The following GRM5 variants were observed in gnomAD, a reference collection of about 807,000 sequenced individuals.
GRM5 encodes glutamate metabotropic receptor 5, also known as metabotropic glutamate receptor 5.
In GRM5, 19 loss-of-function variants were observed where a neutral mutation model predicts 83.1. The observed-to-expected ratio is 0.23, with a 90% CI of 0.16 to 0.34. The LOEUF is 0.34. GRM5 is among the 10% of genes least tolerant of loss of function. The pLI is 1.00. For missense variants in GRM5, 1,160 were observed against 1,588.3 expected (o/e 0.73, Z 4.58); for synonymous variants, 675 against 633.6 (o/e 1.07, Z -0.98).
intron 2 of GRM5, among the ~76,000 whole-genome samples, chr11:88,919,553 A>G (rs1363462842): frequency 1.3e-5 from 2 of 151,566 alleles, no homozygotes; most frequent in African/African-American, 4.8e-5. Context: ...AAATGGATCT[A>G]ATAGATATTT....
chr11:88,775,219 T>C (rs1242506250), intron 3 of GRM5, among the ~76,000 whole-genome samples: 1 of 152,226 alleles, frequency 6.6e-6, no homozygotes, highest in African/African-American at 2.4e-5. Flanking sequence ...TTTTCTAGTT[T>C]ATTTGCATAG....
chr11:89,007,500 T>G (rs1350839419), intron 2 of GRM5, among the ~76,000 whole-genome samples: 2 of 152,196 alleles, frequency 1.3e-5, no homozygotes, highest in Non-Finnish European at 2.9e-5. Flanking sequence ...GCTGCTATTT[T>G]ATGTTTAGGG....
chr11:89,001,125 A>G (rs1318779538), intron 2 of GRM5, among the ~76,000 whole-genome samples: 1 of 151,940 alleles, frequency 6.6e-6, no homozygotes, highest in Non-Finnish European at 1.5e-5. Flanking sequence ...ATTTTACATA[A>G]CTCCAGGAGA....
chr11:88,751,090 A>AAAAAAAAAAAAAAAT (rs1942264086), intron 3 of GRM5, among the ~76,000 whole-genome samples: 2 of 140,358 alleles, frequency 1.4e-5, no homozygotes, highest in Non-Finnish European at 1.6e-5. Flanking sequence ...AAAAAAAAAA[A>AAAAAAAAAAAAAAAT]AAAAACAAAG....
rs575039471 is a variant in GRM5, at chr11:88,537,558, G to A, written c.2631-12154C>T. Among the ~76,000 whole-genome samples the A allele has an allele frequency of 6.6e-5, 10 of 152,246 alleles. No individual in the cohort carries two copies. In the South Asian group the frequency reaches 1.4e-3, roughly 22 times the overall value. Reference sequence around the variant, plus strand: ...AGGAAAATTCTAGATGAAGGCAGAAGGGAAGTCATTATGGATCTTTAGGTT... The same window carrying A: ...AGGAAAATTCTAGATGAAGGCAGAAAGGAAGTCATTATGGATCTTTAGGTT... On this transcript the variant is annotated intron_variant, in intron 8 of 9. Coordinates refer to ENST00000305447, the MANE Select transcript of GRM5 (RefSeq NM_001143831.3).
At chr11:88,648,837 T>C (rs1023694305) in intron 4 of GRM5, among the ~76,000 whole-genome samples, 1 of 151,592 alleles carries the variant, frequency 6.6e-6, no homozygotes, top group African/African-American at 2.4e-5. Flanking sequence ...GAATAAGTCA[T>C]ATGTGTGACA....
At chr11:88,623,122 G>T (rs962287359) in intron 4 of GRM5, among the ~76,000 whole-genome samples, 1 of 152,010 alleles carries the variant, frequency 6.6e-6, no homozygotes, top group Non-Finnish European at 1.5e-5. Flanking sequence ...TTTCACTCTT[G>T]TCGCCCAGTA....
At chr11:89,040,026 G>A (rs1941491963) in intron 2 of GRM5, among the ~76,000 whole-genome samples, 1 of 151,360 alleles carries the variant, frequency 6.6e-6, no homozygotes. Context: ...CCCACCCTAT[G>A]TCCAACATTT....
chr11:88,685,942 T>G (rs1463614987), intron 3 of GRM5, among the ~76,000 whole-genome samples: 1 of 152,046 alleles, frequency 6.6e-6, no homozygotes, highest in African/African-American at 2.4e-5. Context: ...AGAAGAGAAA[T>G]TTGGGGTTGG....
At chr11:88,984,577 ATCTT>A (rs1203851507) in intron 2 of GRM5, 11 of 449,432 alleles carry the variant, frequency 2.4e-5, no homozygotes. Context: ...AATTAGCAAT[ATCTT>A]TATTATCTTA....
rs536800054 is a variant in GRM5 at position 88,752,068 on chromosome 11, C to G, written c.911+97838G>C. ...AAGACAATGATGCCCTCTCTCACAC[C>G]TCCTATTAAACATAGTATTGAAAGT... On this transcript the variant is annotated intron_variant, in intron 3 of 9. Transcript: ENST00000305447. Among the ~76,000 whole-genome samples the G allele has an allele frequency of 1.5e-3, 227 of 152,292 alleles. 3 individuals carry two copies. Among genetic ancestry groups the G allele is most frequent in the Middle Eastern group, 0.014 (4 of 294 alleles).
At chr11:88,992,028 T>C (rs1272484333) in intron 2 of GRM5, among the ~76,000 whole-genome samples, 1 of 152,046 alleles carries the variant, frequency 6.6e-6, no homozygotes, top group Non-Finnish European at 1.5e-5. Flanking sequence ...CTAATTAAAC[T>C]AAAGAGCTTC....
At chr11:88,763,740 T>C (rs914209496) in intron 3 of GRM5, among the ~76,000 whole-genome samples, 3 of 151,590 alleles carry the variant, frequency 2.0e-5, no homozygotes, top group Non-Finnish European at 3.0e-5. Context: ...TAACCACAAA[T>C]AAGATAGCTA....
chr11:88,843,268 C>T (rs76842350), intron 3 of GRM5, among the ~76,000 whole-genome samples: 17,356 of 151,904 alleles, frequency 0.11, 1,633 homozygotes, highest in African/African-American at 0.24. Flanking sequence ...CGATCTTTTT[C>T]GCTTATATTA....
At chr11:88,660,013 T>A (rs948508531) in intron 3 of GRM5, among the ~76,000 whole-genome samples, 4 of 152,244 alleles carry the variant, frequency 2.6e-5, no homozygotes, top group Non-Finnish European at 5.9e-5. Context: ...TTTATTCATT[T>A]CAATTTATTA....
chr11:88,675,996 A>C (rs1940319493), intron 3 of GRM5, among the ~76,000 whole-genome samples: 1 of 152,030 alleles, frequency 6.6e-6, no homozygotes, highest in Non-Finnish European at 1.5e-5. Context: ...TGGGAACTGC[A>C]GCTCTGGTTC....
chr11:88,696,256 G>T (rs1421748858), intron 3 of GRM5, among the ~76,000 whole-genome samples: 1 of 152,054 alleles, frequency 6.6e-6, no homozygotes, highest in Non-Finnish European at 1.5e-5. Context: ...CTGTCTGTGG[G>T]TGTTCTCTTC....
chr11:88,574,785 C>T (rs113498365), intron 7 of GRM5, among the ~76,000 whole-genome samples: 1,984 of 152,124 alleles, frequency 0.013, 22 homozygotes, highest in East Asian at 0.043. Flanking sequence ...AGAAATATTC[C>T]TCATGCTGAC....
At chr11:89,043,891 G>A (rs1591073093) in intron 2 of GRM5, among the ~76,000 whole-genome samples, 1 of 152,152 alleles carries the variant, frequency 6.6e-6, no homozygotes, top group Non-Finnish European at 1.5e-5. Context: ...GGTGACAATA[G>A]GGTTCCAACA....
Sources: gnomAD v4.1 joint callset for allele counts (sites outside exome capture counted in the v4.1 genomes callset) on GRCh38, gnomAD v4.1.1 for gene constraint, MANE v1.5 for transcripts, NCBI Gene and HGNC (gene_info 2026-07-23, HGNC 2026-07-21) for gene names.